Variants in GRID2 observed in about 807,000 individuals in gnomAD.
GRID2 encodes glutamate ionotropic receptor delta type subunit 2.
Under a neutral mutation model 114.8 loss-of-function variants are expected in GRID2, and 33 were observed. The observed-to-expected ratio is 0.29, with a 90% CI of 0.22 to 0.38. The LOEUF (loss-of-function observed/expected upper bound fraction) is 0.38, where lower values mean the gene tolerates loss of function less well. Ranked by LOEUF, GRID2 falls within the 10% of genes least tolerant of loss-of-function variation. The pLI is 1.00. For missense variants in GRID2, 1,184 were observed against 1,257.7 expected (o/e 0.94, Z 0.89); for synonymous variants, 505 against 449.9 (o/e 1.12, Z -1.55).
intron 4 of GRID2, among the ~76,000 whole-genome samples, chr4:93,165,005 G>A (rs1281714425): frequency 6.6e-6 from 1 of 152,018 alleles, no homozygotes; most frequent in East Asian, 1.9e-4. Flanking sequence ...GGAAGACCCT[G>A]GAGAAGTTTT....
chr4:93,063,891 A>G (rs1290795114), intron 2 of GRID2, among the ~76,000 whole-genome samples: 3 of 151,568 alleles, frequency 2.0e-5, no homozygotes, highest in Non-Finnish European at 4.4e-5. Context: ...TTTATTCACC[A>G]AAGCCTACCG....
At chr4:92,764,127 C>A (rs1738149275) in intron 2 of GRID2, among the ~76,000 whole-genome samples, 1 of 152,104 alleles carries the variant, frequency 6.6e-6, no homozygotes, top group South Asian at 2.1e-4. Context: ...ATAATCTAAC[C>A]TTTTCTTTGA....
At chr4:93,508,344 C>A (rs542798318) in intron 12 of GRID2, among the ~76,000 whole-genome samples, 30 of 151,654 alleles carry the variant, frequency 2.0e-4, no homozygotes, top group Non-Finnish European at 4.0e-4. Flanking sequence ...CTGCAGGCAC[C>A]CACCACCATG....
At chr4:93,344,462 T>A (rs1214098319) in intron 8 of GRID2, among the ~76,000 whole-genome samples, 3 of 151,730 alleles carry the variant, frequency 2.0e-5, no homozygotes, top group Non-Finnish European at 4.4e-5. Context: ...CAAATAAAAA[T>A]TGTATGTATT....
At chr4:93,387,059 T>A (rs1456797111) in intron 8 of GRID2, among the ~76,000 whole-genome samples, 1 of 152,202 alleles carries the variant, frequency 6.6e-6, no homozygotes, top group Non-Finnish European at 1.5e-5. Flanking sequence ...AAAGCCTTTG[T>A]ATTGCCTAGG....
At chr4:93,053,753 G>C (rs1024855720) in intron 2 of GRID2, among the ~76,000 whole-genome samples, 1 of 151,910 alleles carries the variant, frequency 6.6e-6, no homozygotes, top group Non-Finnish European at 1.5e-5. Flanking sequence ...CTTAATGTGA[G>C]TTAGAGAGCT....
chr4:93,334,114 A>T (rs981122503), intron 8 of GRID2, among the ~76,000 whole-genome samples: 2 of 152,208 alleles, frequency 1.3e-5, no homozygotes, highest in African/African-American at 2.4e-5. Flanking sequence ...TCATAGCAAG[A>T]TGTAGAAAGT....
chr4:93,124,561 G>A (rs1175343508), intron 4 of GRID2, among the ~76,000 whole-genome samples: 1 of 152,146 alleles, frequency 6.6e-6, no homozygotes, highest in Non-Finnish European at 1.5e-5. Flanking sequence ...ACTGGAGTCC[G>A]AACCTATTTG....
At chr4:92,561,142 T>A (rs770107140) in intron 1 of GRID2, among the ~76,000 whole-genome samples, 3 of 152,242 alleles carry the variant, frequency 2.0e-5, no homozygotes, top group Non-Finnish European at 4.4e-5. Flanking sequence ...AATATCCTTA[T>A]TTGAAAGGAA....
chr4:93,517,449 C>T (rs571372494), intron 13 of GRID2, among the ~76,000 whole-genome samples: 1 of 152,020 alleles, frequency 6.6e-6, no homozygotes, highest in East Asian at 1.9e-4. Context: ...TACTAGAGGG[C>T]TAGTGAAAAT....
intron 1 of GRID2, among the ~76,000 whole-genome samples, chr4:92,571,879 A>T (rs1727641327): frequency 6.6e-6 from 1 of 152,234 alleles, no homozygotes; most frequent in Admixed American, 6.5e-5. Context: ...GACACATTCA[A>T]GGCAGTGTGT....
chr4:92,683,681 TACATC>T (rs1351928457), intron 2 of GRID2, among the ~76,000 whole-genome samples: 1 of 150,704 alleles, frequency 6.6e-6, no homozygotes, highest in Non-Finnish European at 1.5e-5. Context: ...ATTAAAAAAA[TACATC>T]AAAGCAAAAC....
At chr4:92,910,116 T>C (rs1748256965) in intron 2 of GRID2, among the ~76,000 whole-genome samples, 1 of 151,896 alleles carries the variant, frequency 6.6e-6, no homozygotes, top group South Asian at 2.1e-4. Context: ...CATTATAATA[T>C]AGGATGGATG....
chr4:93,083,628 G>A (rs1424035293), intron 2 of GRID2, among the ~76,000 whole-genome samples: 5 of 149,762 alleles, frequency 3.3e-5, no homozygotes, highest in Non-Finnish European at 7.4e-5. Flanking sequence ...CCCAGGATGC[G>A]GAAGTTGCTG....
rs144351882 is a variant in GRID2 at position 93,026,740 on chromosome 4, T to C, written c.245-58255T>C. The stretch of plus-strand genomic sequence containing the variant: ...TGATCATTGCATCTTGAGTTTTTAA[T>C]GCTGGGTGGAGTATATTTATGAATA... On this transcript the variant is annotated intron_variant, in intron 2 of 15. Coordinates refer to ENST00000282020, the MANE Select transcript of GRID2 (RefSeq NM_001510.4). Among the ~76,000 whole-genome samples, 571 of 152,096 alleles carry C rather than the reference T, an allele frequency of 3.8e-3. 6 individuals carry two copies. Among genetic ancestry groups the C allele is most frequent in the Non-Finnish European group, 2.3e-3 (158 of 67,874 alleles).
chr4:93,803,053 A>G (rs1238218911), intron 1 of GRID2, among the ~76,000 whole-genome samples: 1 of 152,226 alleles, frequency 6.6e-6, no homozygotes, highest in East Asian at 1.9e-4. Flanking sequence ...GCAGTCTGGA[A>G]TGAAAGGTAG....
chr4:92,899,397 T>G (rs1276987421), intron 2 of GRID2, among the ~76,000 whole-genome samples: 1 of 152,158 alleles, frequency 6.6e-6, no homozygotes, highest in Non-Finnish European at 1.5e-5. Flanking sequence ...ACAAGGCATA[T>G]TCTGAGGAAG....
At chr4:93,281,106 TAAAGC>T (rs1179326453) in intron 8 of GRID2, among the ~76,000 whole-genome samples, 1 of 151,130 alleles carries the variant, frequency 6.6e-6, no homozygotes, top group Non-Finnish European at 1.5e-5. Context: ...TAAAGAAAAA[TAAAGC>T]AGAGAAGAGG....
At chr4:92,595,725 T>C (rs759891396) in intron 2 of GRID2, among the ~76,000 whole-genome samples, 2 of 152,124 alleles carry the variant, frequency 1.3e-5, no homozygotes, top group African/African-American at 2.4e-5. Context: ...TAAAAATACA[T>C]ACATATTTAT....
Sources: gnomAD v4.1 joint callset for allele counts (sites outside exome capture counted in the v4.1 genomes callset) on GRCh38, gnomAD v4.1.1 for gene constraint, MANE v1.5 for transcripts, NCBI Gene and HGNC (gene_info 2026-07-23, HGNC 2026-07-21) for gene names.